Variants in CTSW observed in about 807,000 individuals in gnomAD.
CTSW encodes the protein lymphopain.
Under a neutral mutation model 43.8 loss-of-function variants are expected in CTSW, and 42 were observed. The observed-to-expected ratio is 0.96, with a 90% CI of 0.75 to 1.24. The LOEUF is 1.24. CTSW is among the 50% of genes most tolerant of loss of function. CTSW has a pLI of 0.00. For missense variants in CTSW, 475 were observed against 479.9 expected (o/e 0.99, Z 0.09); for synonymous variants, 191 against 184.8 (o/e 1.03, Z -0.27).
Position 65,882,760 on chromosome 11 carries a change from T to C in CTSW, c.620-19T>C. The C allele has an allele frequency of 6.2e-7, 1 of 1,614,130 alleles. No homozygotes were observed. Among genetic ancestry groups the C allele is most frequent in the Non-Finnish European group, 8.5e-7 (1 of 1,180,036 alleles). On this transcript the variant is annotated intron_variant, in intron 6 of 9. Transcript: ENST00000307886. ...GTGGGCAGGAGCGGAACCTCCTCCCTTGTCTTGCTTATCTGCAGGCGGCCT... is the reference window on the plus strand; with the variant it reads ...GTGGGCAGGAGCGGAACCTCCTCCCCTGTCTTGCTTATCTGCAGGCGGCCT...
intron 2 of CTSW, among the ~76,000 whole-genome samples, chr11:65,880,899 C>G (rs1228073256): frequency 2.0e-5 from 3 of 152,212 alleles, no homozygotes; most frequent in African/African-American, 7.2e-5. Flanking sequence ...ATTCAGCAAA[C>G]ACCCAAGGAC....
chr11:65,880,481 T>G, intron 2 of CTSW, 195 bp downstream of exon 2: 1 of 449,694 alleles, frequency 2.2e-6, no homozygotes, highest in South Asian at 2.1e-5. Flanking sequence ...CCACCACACT[T>G]GGCTAACCTT....
At position 65,883,245 on chromosome 11, in the gene CTSW, C is replaced by T. The variant is rs1024014882; in HGVS notation, c.841C>T (p.Pro281Ser). 4 of 1,613,772 alleles carry T rather than the reference C, an allele frequency of 2.5e-6. No individual in the cohort carries two copies. In the African/African-American group the frequency reaches 4.0e-5, roughly 16 times the overall value. The change falls in exon 9 of 10, where the codon CCC becomes TCC. Residue 281 changes from proline (P) to serine (S), a missense_variant. Coordinates refer to ENST00000307886, the MANE Select transcript of CTSW (RefSeq NM_001335.4). ...LYRKGVIKATPTTCDPQLVDH... is the reference protein window; with the variant it reads ...LYRKGVIKATSTTCDPQLVDH... Reference sequence around the variant, plus strand: ...CCGGAAAGGTGTGATCAAGGCCACACCCACCACCTGTGACCCCCAGCTTGT... The same window carrying T: ...CCGGAAAGGTGTGATCAAGGCCACATCCACCACCTGTGACCCCCAGCTTGT...
intron 3 of CTSW, 135 bp from the exon 4 acceptor site, chr11:65,882,040 T>C (rs764528358): frequency 3.9e-6 from 4 of 1,020,604 alleles, no homozygotes; most frequent in Non-Finnish European, 5.7e-6. Context: ...GGATTATAGG[T>C]GTGAGCCACC....
rs1160943377 is a variant in CTSW, at chr11:65,883,257, G to C, written c.853G>C (p.Asp285His). The change falls in exon 9 of 10, where the codon GAC (aspartate) becomes CAC (histidine). Residue 285 changes from aspartate (D) to histidine (H), a missense_variant. Physicochemically the swap from Asp to His is moderately conservative, Grantham distance 81. Transcript: ENST00000307886. ...GATCAAGGCCACACCCACCACCTGTGACCCCCAGCTTGTGGACCACTCTGT... is the reference window on the plus strand; with the variant it reads ...GATCAAGGCCACACCCACCACCTGTCACCCCCAGCTTGTGGACCACTCTGT... ...GVIKATPTTC[D>H]PQLVDHSVLL... 6.2e-7 allele frequency: 1 copy of C among 1,613,830 alleles called. No homozygotes were observed. Among genetic ancestry groups the C allele is most frequent in the Non-Finnish European group, 8.5e-7 (1 of 1,179,960 alleles).
chr11:65,882,059 C>A, intron 3 of CTSW, 116 bp from the exon 4 acceptor site: 2 of 1,298,402 alleles, frequency 1.5e-6, no homozygotes, highest in Non-Finnish European at 2.1e-6. Flanking sequence ...CCACGCCCGG[C>A]CTATCCTTGC....
intron 2 of CTSW, 65 bp from the exon 3 acceptor site, chr11:65,881,342 C>G (rs936310505): frequency 4.3e-6 from 5 of 1,163,014 alleles, no homozygotes; most frequent in Non-Finnish European, 6.0e-6. Flanking sequence ...GGGTGCCCAG[C>G]CAGCGGCTAC....
At chr11:65,880,177 CT>C in intron 1 of CTSW, 24 bp from the exon 2 acceptor site, 1 of 1,604,856 alleles carries the variant, frequency 6.2e-7, no homozygotes, top group Non-Finnish European at 8.5e-7. Flanking sequence ...CCCACTGCCC[CT>C]CTCCACCCTT....
At chr11:65,880,530 A>G in intron 2 of CTSW, 1 of 339,110 alleles carries the variant, frequency 2.9e-6, no homozygotes, top group South Asian at 2.5e-5. Flanking sequence ...CATGTTGGCC[A>G]GGCTGGTCTT....
chr11:65,883,167 C>T (rs750379901), intron 8 of CTSW, 34 bp downstream of exon 8: 2 of 1,613,726 alleles, frequency 1.2e-6, no homozygotes, highest in Non-Finnish European at 8.5e-7. Flanking sequence ...AAGGGGCATA[C>T]AGGAGACTTG....
In CTSW at chr11:65,883,588, T is replaced by C. The variant is rs765664471; in HGVS notation, c.1101T>C (p.Asp367=). ...TCACTGCCCGTGTGCAGAAACCGGA[T>C]ATGAAGCCCCGAGTCTCCTGCCCTC... ...FPLTARVQKP[D]MKPRVSCPP is the part of the protein sequence containing the mutation. Residue 367 remains aspartate (D), a synonymous_variant, in exon 10 of 10, where the codon GAT becomes GAC. Coordinates refer to ENST00000307886, the MANE Select transcript of CTSW (RefSeq NM_001335.4). The C allele has an allele frequency of 1.2e-6, 2 of 1,613,862 alleles. No individual in the cohort carries two copies. The highest frequency in any genetic ancestry group is 2.7e-5 in the African/African-American group (2 of 74,876).
chr11:65,883,037 T>A (rs376973162), intron 7 of CTSW, 32 bp from the exon 8 acceptor site: 98 of 1,613,812 alleles, frequency 6.1e-5, no homozygotes, highest in Non-Finnish European at 8.0e-5. Context: ...CACACCCACA[T>A]GCCAAGGGTC....
chr11:65,882,986 A>G (rs1565278815), intron 7 of CTSW, 82 bp downstream of exon 7: 3 of 1,612,212 alleles, frequency 1.9e-6, no homozygotes, highest in Non-Finnish European at 2.5e-6. Flanking sequence ...CTGGGCTAGA[A>G]GACAAGAGGG....
chr11:65,883,497 T>C lies in CTSW; in HGVS notation c.1021-11T>C. The C allele has an allele frequency of 1.2e-6, 2 of 1,613,060 alleles. No homozygotes were observed. The highest frequency in any genetic ancestry group is 1.3e-5 in the African/African-American group (1 of 74,988). Reference sequence around the variant, plus strand: ...CCCACCTTCCCGCCCCTATGTCCCCTAACCTCCTAGGGCTATTTCCGGCTG... The same window carrying C: ...CCCACCTTCCCGCCCCTATGTCCCCCAACCTCCTAGGGCTATTTCCGGCTG... On this transcript the variant is annotated splice_polypyrimidine_tract_variant and intron_variant, in intron 9 of 9. Transcript: ENST00000307886.
chr11:65,883,141 G>A lies in CTSW; in HGVS notation c.810+8G>A, dbSNP rs370653041. 3.7e-6 allele frequency: 6 copies of A among 1,614,030 alleles called. No homozygotes were observed. The highest frequency in any genetic ancestry group is 5.1e-6 in the Non-Finnish European group (6 of 1,179,996). On this transcript the variant is annotated splice_region_variant and intron_variant, in intron 8 of 9. Transcript: ENST00000307886. ...AACATGAAGCCCCTTCAGGTGAGAT[G>A]GGGGAGCTGATGGGGAAGGGGCATA...
At position 65,883,717 on chromosome 11, in the gene CTSW, T is replaced by A; in HGVS notation, c.*99T>A. ...CCATCCTCCCAATCTCAATACAGCCTGAATAAACCAAGACAAGACCTCTGG... is the reference window on the plus strand; with the variant it reads ...CCATCCTCCCAATCTCAATACAGCCAGAATAAACCAAGACAAGACCTCTGG... On this transcript the variant is annotated 3_prime_UTR_variant, in exon 10 of 10. Transcript: ENST00000307886. The A allele has an allele frequency of 1.8e-6, 2 of 1,094,170 alleles. No individual in the cohort carries two copies. The highest frequency in any genetic ancestry group is 1.4e-6 in the Non-Finnish European group (1 of 734,764). The allele number at this position is 1,094,170 out of a possible 1,614,324, so 67.8% of individuals were successfully genotyped here.
intron 2 of CTSW, among the ~76,000 whole-genome samples, chr11:65,881,154 G>A (rs1025604928): frequency 2.0e-5 from 3 of 152,102 alleles, no homozygotes; most frequent in South Asian, 2.1e-4. Context: ...CACCACCACC[G>A]GACCCCTTGC....
chr11:65,883,343 A>T lies in CTSW; in HGVS notation c.939A>T (p.Ser313=). 1 of 1,614,090 alleles carries T rather than the reference A, an allele frequency of 6.2e-7. No individual in the cohort carries two copies. The highest frequency in any genetic ancestry group is 8.5e-7 in the Non-Finnish European group (1 of 1,180,000). Residue 313 remains serine (S), a synonymous_variant, in exon 9 of 10, where the codon TCA becomes TCT. Transcript: ENST00000307886. ...AGGGGATATGGGCAGAGACAGTCTC[A>T]TCGCAGTCTCAGCCTCAGCCTCCAC... is the stretch of plus-strand genomic sequence containing the variant. The part of the protein sequence containing the change: ...SEEGIWAETV[S]SQSQPQPPHP...
chr11:65,880,966 C>G (rs1433487726), intron 2 of CTSW, among the ~76,000 whole-genome samples: 1 of 152,186 alleles, frequency 6.6e-6, no homozygotes, highest in East Asian at 1.9e-4. Context: ...TAACCCCTGC[C>G]CCTGCCCTCT....
Sources: gnomAD v4.1 joint callset for allele counts (sites outside exome capture counted in the v4.1 genomes callset) on GRCh38, gnomAD v4.1.1 for gene constraint, MANE v1.5 for transcripts, NCBI Gene and HGNC (gene_info 2026-07-23, HGNC 2026-07-21) for gene names.